The following RPAP2 variants were observed in gnomAD, a reference collection of about 807,000 sequenced individuals.
The protein encoded by RPAP2 is putative RNA polymerase II subunit B1 CTD phosphatase RPAP2.
A neutral mutation model predicts 73.1 loss-of-function variants in RPAP2; 52 were observed. The ratio of observed to expected loss-of-function variants is 0.71; its 90% CI spans 0.57 to 0.90. The LOEUF is 0.90. RPAP2 is among the 40% of genes least tolerant of loss of function. The pLI, the probability that RPAP2 is intolerant of heterozygous loss-of-function variation, is 0.00. For synonymous variants in RPAP2, 225 were observed against 242.1 expected, an observed-to-expected ratio of 0.93 and a Z score of 0.65; for missense variants, 598 against 701.8, an observed-to-expected ratio of 0.85 and a Z score of 1.67.
At chr1:92,308,072 T>C (rs1651356154) in intron 6 of RPAP2, among the ~76,000 whole-genome samples, 2 of 151,714 alleles carry the variant, frequency 1.3e-5, no homozygotes, top group Non-Finnish European at 2.9e-5. Flanking sequence ...TAAAAAGCTC[T>C]GGCTCAAAAA....
At chr1:92,356,586 T>TTG (rs1553154337) in intron 11 of RPAP2, among the ~76,000 whole-genome samples, 59,680 of 104,598 alleles carry the variant, frequency 0.57, 15,094 homozygotes, top group East Asian at 0.93. Context: ...TCCTGGCTAA[T>TTG]TTTTTTTTTT....
Position 92,400,795 on chromosome 1 carries a change from G to C in RPAP2, c.*13784G>C, listed in dbSNP as rs555962762. On this transcript the variant is annotated 3_prime_UTR_variant, in exon 13 of 13. Transcript: ENST00000610020. ...GGAATTTCTCTCGGAAATCCTCTAG[G>C]GCAGAGAAGGAAAATTTACCAAATG... 7.2e-5 allele frequency: 11 copies of C among 152,276 alleles called. 1 individual carries two copies. In the South Asian group the frequency reaches 2.3e-3, roughly 32 times the overall value. 9.4% of individuals were successfully genotyped at this position (152,276 alleles called of 1,614,324 possible).
intron 11 of RPAP2, among the ~76,000 whole-genome samples, chr1:92,367,950 T>C (rs1654993682): frequency 1.3e-5 from 2 of 152,236 alleles, no homozygotes; most frequent in Admixed American, 1.3e-4. Context: ...AAGTCAGGTT[T>C]GCAGCTATCT....
intron 11 of RPAP2, among the ~76,000 whole-genome samples, chr1:92,362,681 C>G (rs1034521393): frequency 1.3e-5 from 2 of 152,142 alleles, no homozygotes; most frequent in Non-Finnish European, 2.9e-5. Context: ...AAAGACATTA[C>G]AGTAATTGAA....
intron 6 of RPAP2, among the ~76,000 whole-genome samples, chr1:92,319,969 G>C (rs1340734074): frequency 1.3e-5 from 2 of 150,988 alleles, no homozygotes; most frequent in African/African-American, 4.9e-5. Flanking sequence ...TTGCACTCCA[G>C]CCTGGGCAAC....
chr1:92,378,544 T>C (rs1655487914), intron 11 of RPAP2, among the ~76,000 whole-genome samples: 1 of 152,022 alleles, frequency 6.6e-6, no homozygotes, highest in South Asian at 2.1e-4. Context: ...AAAAGCTAGG[T>C]TTCTGTGGAG....
chr1:92,383,029 C>A (rs1321758588), intron 12 of RPAP2, among the ~76,000 whole-genome samples: 2 of 152,200 alleles, frequency 1.3e-5, no homozygotes, highest in Admixed American at 6.5e-5. Context: ...ATAGGGAATT[C>A]TTTCCCCATT....
At chr1:92,354,701 C>A (rs1654377570) in intron 11 of RPAP2, among the ~76,000 whole-genome samples, 1 of 151,886 alleles carries the variant, frequency 6.6e-6, no homozygotes, top group Non-Finnish European at 1.5e-5. Flanking sequence ...TCTCTGTTTT[C>A]TAGATAGTAG....
intron 9 of RPAP2, among the ~76,000 whole-genome samples, chr1:92,335,055 G>A (rs1390510844): frequency 1.3e-5 from 2 of 152,126 alleles, no homozygotes; most frequent in East Asian, 3.9e-4. Context: ...CTGAAGTGGA[G>A]GATCGCTTGA....
Position 92,351,305 on chromosome 1 carries a change from C to CAAAAAAAAAAAA in RPAP2, c.1688+5403_1688+5414dup, listed in dbSNP as rs60111119. Reference sequence around the variant, plus strand: ...CTGGTGACCGAGTGAGACTCTGTCTCAAAAAAAAAAAAAAAAAAAAAAAGA... The same window carrying CAAAAAAAAAAAA: ...CTGGTGACCGAGTGAGACTCTGTCTCAAAAAAAAAAAAAAAAAAAAAAAAAAAAAAAAAAAGA... On this transcript the variant is annotated intron_variant, in intron 11 of 12. Coordinates refer to ENST00000610020, the MANE Select transcript of RPAP2 (RefSeq NM_024813.3). 1.3e-3 allele frequency among the ~76,000 whole-genome samples: 116 copies of CAAAAAAAAAAAA among 86,830 alleles called. 4 individuals carry two copies. The highest frequency in any genetic ancestry group is 4.4e-3 in the African/African-American group (105 of 23,822). The allele number at this position is 86,830 out of a possible 152,430, so 57.0% of individuals were successfully genotyped here.
chr1:92,299,064 A>G lies in RPAP2; in HGVS notation c.-10A>G, dbSNP rs1650558436. ...GGAGCGTGTCCCCGTCCGGCAGACT[A>G]CTCTCCCCCATGGCGGACTTCGCTG... On this transcript the variant is annotated 5_prime_UTR_variant, in exon 1 of 13. Transcript: ENST00000610020. 4 of 1,455,788 alleles carry G rather than the reference A, an allele frequency of 2.7e-6. No individual in the cohort carries two copies. The highest frequency in any genetic ancestry group is 2.3e-5 in the Admixed American group (1 of 43,004). 90.2% of individuals were successfully genotyped at this position (1,455,788 alleles called of 1,614,324 possible). A position where few individuals can be genotyped will look rare whatever the true frequency, so the allele number is the denominator to read the frequency against.
At chr1:92,368,547 G>T (rs1389258932) in intron 11 of RPAP2, among the ~76,000 whole-genome samples, 8 of 151,982 alleles carry the variant, frequency 5.3e-5, no homozygotes, top group Non-Finnish European at 1.0e-4. Context: ...CAAAATTATG[G>T]GTACCTTACT....
At position 92,388,350 on chromosome 1, in the gene RPAP2, G is replaced by A. The variant is rs1392748414; in HGVS notation, c.*1339G>A. 6.6e-6 allele frequency: 1 copy of A among 152,286 alleles called. No homozygotes were observed. The highest frequency in any genetic ancestry group is 2.4e-5 in the African/African-American group (1 of 41,386). 9.4% of individuals were successfully genotyped at this position (152,286 alleles called of 1,614,324 possible). ...GAGCCCAGGAGTTCAAGACCAGCCT[G>A]GGCAACAAAGTGAGACCCTGTCTCC... On this transcript the variant is annotated 3_prime_UTR_variant, in exon 13 of 13. Coordinates refer to ENST00000610020, the MANE Select transcript of RPAP2 (RefSeq NM_024813.3).
chr1:92,359,994 G>A (rs1571123159), intron 11 of RPAP2, among the ~76,000 whole-genome samples: 1 of 37,476 alleles, frequency 2.7e-5, no homozygotes, highest in Admixed American at 2.8e-4. Context: ...TCACAATTCA[G>A]TCTGGTAATT....
Position 92,380,830 on chromosome 1 carries a change from GA to G in RPAP2, c.1798del (p.Ser600ValfsTer2). The G allele has an allele frequency of 6.2e-7, 1 of 1,605,502 alleles. No individual in the cohort carries two copies. The highest frequency in any genetic ancestry group is 1.1e-5 in the South Asian group (1 of 89,438). ...EELHLKNEDL[E>X]SLTIIFRTSC... ...ATTACATCTAAAAAATGAAGACCTT[GA>G]AAGTCTAACCATCATATTTAGAACC... On this transcript the variant is annotated frameshift_variant, in exon 12 of 13. Coordinates refer to ENST00000610020, the MANE Select transcript of RPAP2 (RefSeq NM_024813.3). LOFTEE classifies it high-confidence loss of function.
intron 1 of RPAP2, among the ~76,000 whole-genome samples, chr1:92,299,908 GT>G (rs1446829570): frequency 5.3e-5 from 8 of 152,158 alleles, no homozygotes; most frequent in Non-Finnish European, 2.9e-5. Context: ...TGAGAAATAA[GT>G]TGTTAGTCGA....
At chr1:92,380,962 C>T in intron 12 of RPAP2, 89 bp downstream of exon 12, 1 of 1,160,002 alleles carries the variant, frequency 8.6e-7, no homozygotes, top group Non-Finnish European at 1.2e-6. Flanking sequence ...ATTGTAAAAA[C>T]CAAGTACAGA....
intron 6 of RPAP2, among the ~76,000 whole-genome samples, chr1:92,315,228 AG>A (rs1384235151): frequency 6.6e-6 from 1 of 152,192 alleles, no homozygotes; most frequent in Non-Finnish European, 1.5e-5. Context: ...GGGAGGCCTG[AG>A]AAGAGGAAGC....
At chr1:92,366,066 C>A (rs1654921655) in intron 11 of RPAP2, among the ~76,000 whole-genome samples, 6 of 152,174 alleles carry the variant, frequency 3.9e-5, no homozygotes, top group African/African-American at 1.2e-4. Flanking sequence ...ACAAAGGGAA[C>A]AACTAGGAAA....
Sources: gnomAD v4.1 joint callset for allele counts (sites outside exome capture counted in the v4.1 genomes callset) on GRCh38, gnomAD v4.1.1 for gene constraint, MANE v1.5 for transcripts, NCBI Gene and HGNC (gene_info 2026-07-23, HGNC 2026-07-21) for gene names.